JAZF1: variants seen among roughly 807,000 people sequenced by gnomAD.
JAZF1 encodes JAZF zinc finger 1.
A neutral mutation model predicts 26.4 loss-of-function variants in JAZF1; 8 were observed. That is an observed-to-expected ratio of 0.30 (90% CI 0.18 to 0.55). The LOEUF is 0.55. Ranked by LOEUF, JAZF1 falls within the 20% of genes least tolerant of loss-of-function variation. The pLI is 0.94. For missense variants in JAZF1, 199 were observed against 322.0 expected (o/e 0.62, Z 2.92); for synonymous variants, 126 against 122.3 (o/e 1.03, Z -0.20).
intron 1 of JAZF1, among the ~76,000 whole-genome samples, chr7:28,150,895 A>G (rs1285729112): frequency 2.0e-5 from 3 of 152,250 alleles, no homozygotes; most frequent in Admixed American, 1.3e-4. Context: ...TTTAGATAAA[A>G]ATGTGCTCAT....
intron 2 of JAZF1, among the ~76,000 whole-genome samples, chr7:27,965,588 A>T (rs1785259346): frequency 6.6e-6 from 1 of 152,220 alleles, no homozygotes; most frequent in African/African-American, 2.4e-5. Flanking sequence ...TCTTTTTGGA[A>T]TACATTTGAG....
intron 1 of JAZF1, among the ~76,000 whole-genome samples, chr7:28,042,645 T>G (rs1783413237): frequency 6.6e-6 from 1 of 152,170 alleles, no homozygotes. Flanking sequence ...AGAACAACAT[T>G]TTGGTCAATG....
At chr7:28,013,498 C>T (rs749511012) in intron 1 of JAZF1, among the ~76,000 whole-genome samples, 3 of 152,072 alleles carry the variant, frequency 2.0e-5, no homozygotes, top group Non-Finnish European at 4.4e-5. Flanking sequence ...CCCAGTGCTC[C>T]TGATTTAGTA....
chr7:28,082,010 T>C (rs917519892), intron 1 of JAZF1, among the ~76,000 whole-genome samples: 1 of 152,210 alleles, frequency 6.6e-6, no homozygotes, highest in African/African-American at 2.4e-5. Flanking sequence ...TCTCTAAAAT[T>C]ACTTTCAACC....
intron 2 of JAZF1, among the ~76,000 whole-genome samples, chr7:27,945,240 T>C (rs1265644188): frequency 6.6e-6 from 1 of 152,012 alleles, no homozygotes; most frequent in African/African-American, 2.4e-5. Flanking sequence ...TCAAGCAGAA[T>C]TGAGTGTGGG....
At chr7:27,958,631 G>C (rs1261982880) in intron 2 of JAZF1, among the ~76,000 whole-genome samples, 1 of 152,200 alleles carries the variant, frequency 6.6e-6, no homozygotes, top group Non-Finnish European at 1.5e-5. Flanking sequence ...CCCAGCCCAG[G>C]CTCTCTGATT....
At chr7:27,851,252 A>C (rs1223970213) in intron 3 of JAZF1, among the ~76,000 whole-genome samples, 2 of 152,250 alleles carry the variant, frequency 1.3e-5, no homozygotes, top group African/African-American at 4.8e-5. Flanking sequence ...CTAAAATAAA[A>C]TGTTCTAATA....
chr7:28,140,187 A>G (rs375364147), intron 1 of JAZF1, among the ~76,000 whole-genome samples: 86 of 151,446 alleles, frequency 5.7e-4, no homozygotes, highest in African/African-American at 2.0e-3. Flanking sequence ...GGTTCCAGCA[A>G]TTCTCCTGCC....
At chr7:27,990,645 T>A (rs528508481) in intron 2 of JAZF1, among the ~76,000 whole-genome samples, 3 of 152,340 alleles carry the variant, frequency 2.0e-5, no homozygotes, top group African/African-American at 7.2e-5. Context: ...TTAATCTATA[T>A]GCCTGTTCAT....
intron 1 of JAZF1, among the ~76,000 whole-genome samples, chr7:28,034,983 C>T (rs1218161989): frequency 6.6e-6 from 1 of 152,082 alleles, no homozygotes; most frequent in African/African-American, 2.4e-5. Flanking sequence ...GACATGAAGG[C>T]TGAGCCGTTA....
chr7:28,129,063 C>G (rs1254623794), intron 1 of JAZF1, among the ~76,000 whole-genome samples: 1 of 151,990 alleles, frequency 6.6e-6, no homozygotes, highest in Non-Finnish European at 1.5e-5. Context: ...TTCCTTGACC[C>G]TTCATGGCCA....
chr7:28,021,883 C>T (rs1783013531), intron 1 of JAZF1, among the ~76,000 whole-genome samples: 1 of 152,246 alleles, frequency 6.6e-6, no homozygotes, highest in Admixed American at 6.5e-5. Context: ...CCTGCCTGTG[C>T]TGGGTCACTT....
intron 2 of JAZF1, among the ~76,000 whole-genome samples, chr7:27,991,197 G>A (rs943327315): frequency 6.6e-6 from 1 of 152,186 alleles, no homozygotes; most frequent in Non-Finnish European, 1.5e-5. Context: ...CCTGAATTAT[G>A]AGCAGAGAGT....
chr7:27,918,270 C>T (rs1465980981), intron 2 of JAZF1, among the ~76,000 whole-genome samples: 7 of 152,158 alleles, frequency 4.6e-5, no homozygotes, highest in Non-Finnish European at 1.0e-4. Context: ...CCTTTAAGCT[C>T]AAATGCCCCT....
intron 1 of JAZF1, among the ~76,000 whole-genome samples, chr7:28,019,914 T>G (rs1782973855): frequency 2.0e-5 from 3 of 152,070 alleles, no homozygotes; most frequent in Non-Finnish European, 4.4e-5. Context: ...GTTAACTAGT[T>G]GTAGGAAAGG....
At chr7:28,147,154 T>G (rs1783040316) in intron 1 of JAZF1, among the ~76,000 whole-genome samples, 1 of 123,326 alleles carries the variant, frequency 8.1e-6, no homozygotes, top group Non-Finnish European at 2.0e-5. Context: ...CCCAGAATTC[T>G]GATTTTTTTT....
chr7:27,866,977 C>T (rs1480819761), intron 3 of JAZF1, among the ~76,000 whole-genome samples: 1 of 152,206 alleles, frequency 6.6e-6, no homozygotes, highest in Admixed American at 6.5e-5. Context: ...GAGTGCCTCA[C>T]TCTTAACGAC....
intron 2 of JAZF1, among the ~76,000 whole-genome samples, chr7:27,990,286 A>G (rs1039742868): frequency 1.4e-4 from 21 of 151,942 alleles, no homozygotes; most frequent in Admixed American, 6.6e-5. Flanking sequence ...GCCTGTCGCG[A>G]GGTGGGGGGA....
At chr7:28,062,131 C>G (rs1256481381) in intron 1 of JAZF1, among the ~76,000 whole-genome samples, 1 of 152,160 alleles carries the variant, frequency 6.6e-6, no homozygotes, top group East Asian at 1.9e-4. Context: ...CCTGGCTAAA[C>G]TGGGATCTGG....
Sources: gnomAD v4.1 joint callset for allele counts (sites outside exome capture counted in the v4.1 genomes callset) on GRCh38, gnomAD v4.1.1 for gene constraint, MANE v1.5 for transcripts, NCBI Gene and HGNC (gene_info 2026-07-23, HGNC 2026-07-21) for gene names.